The following IMPG2 variants were observed in gnomAD, a reference collection of about 807,000 sequenced individuals.
IMPG2 encodes the protein interphotoreceptor matrix proteoglycan 2.
IMPG2 carries 91 observed loss-of-function variants against 129.2 expected under a neutral mutation model. The observed-to-expected ratio is 0.70, with a 90% CI of 0.59 to 0.84. The LOEUF is 0.84. Among genes scored for constraint, IMPG2 ranks in the 40% least tolerant of loss-of-function variants. IMPG2 has a pLI of 0.00. For missense variants in IMPG2, 1,430 were observed against 1,461.7 expected, an observed-to-expected ratio of 0.98 and a Z score of 0.35; for synonymous variants, 510 against 517.7, an observed-to-expected ratio of 0.99 and a Z score of 0.20.
At chr3:101,312,375 A>T (rs900836709) in intron 2 of IMPG2, among the ~76,000 whole-genome samples, 5 of 152,114 alleles carry the variant, frequency 3.3e-5, no homozygotes, top group African/African-American at 1.2e-4. Context: ...CTGAACAGAC[A>T]TTTTCAAAGG....
At chr3:101,228,291 G>GA (rs1216313427) in intron 18 of IMPG2, among the ~76,000 whole-genome samples, 1 of 152,160 alleles carries the variant, frequency 6.6e-6, no homozygotes, top group East Asian at 1.9e-4. Flanking sequence ...AAAGCATACT[G>GA]AAAAGTATCT....
At chr3:101,229,772 G>T (rs1456692771) in intron 16 of IMPG2, among the ~76,000 whole-genome samples, 182 bp from the exon 17 acceptor site, 2 of 152,168 alleles carry the variant, frequency 1.3e-5, no homozygotes, top group African/African-American at 2.4e-5. Flanking sequence ...TTATCATTAT[G>T]ATTTCCTCAC....
intron 3 of IMPG2, among the ~76,000 whole-genome samples, chr3:101,303,874 T>C (rs1707162511): frequency 1.3e-5 from 2 of 152,228 alleles, no homozygotes; most frequent in Non-Finnish European, 2.9e-5. Flanking sequence ...TATTTACATC[T>C]ATAAACAAGG....
intron 2 of IMPG2, among the ~76,000 whole-genome samples, chr3:101,314,824 C>A (rs1246369702): frequency 6.6e-6 from 1 of 152,090 alleles, no homozygotes; most frequent in African/African-American, 2.4e-5. Flanking sequence ...ATATCATGTT[C>A]ATAGATCAGA....
intron 6 of IMPG2, among the ~76,000 whole-genome samples, chr3:101,274,953 A>C (rs113920252): frequency 1.7e-3 from 255 of 152,216 alleles, no homozygotes; most frequent in African/African-American, 4.9e-3. Context: ...GAGTGGAGCG[A>C]CTTAACCTGA....
At chr3:101,279,136 G>A (rs562479168) in intron 4 of IMPG2, among the ~76,000 whole-genome samples, 3 of 152,130 alleles carry the variant, frequency 2.0e-5, no homozygotes, top group African/African-American at 7.3e-5. Flanking sequence ...ATTCCTAATT[G>A]TATCCAGTTC....
In IMPG2 at chr3:101,237,227, A is replaced by G. The variant is rs189151534; in HGVS notation, c.3023-4236T>C. 4.7e-3 allele frequency among the ~76,000 whole-genome samples: 717 copies of G among 152,286 alleles called. 4 individuals are homozygous for G. Among genetic ancestry groups the G allele is most frequent in the Non-Finnish European group, 7.6e-3 (517 of 68,014 alleles). On this transcript the variant is annotated intron_variant, in intron 14 of 18. Coordinates refer to ENST00000193391, the MANE Select transcript of IMPG2 (RefSeq NM_016247.4). ...TGGCAGCAGCCCCAGTCAGGGGCTTAGAGATAAAACTCCCCTCTCCCTGGG... is the reference window on the plus strand; with the variant it reads ...TGGCAGCAGCCCCAGTCAGGGGCTTGGAGATAAAACTCCCCTCTCCCTGGG...
chr3:101,265,535 AC>A (rs1706713454), intron 9 of IMPG2, among the ~76,000 whole-genome samples: 1 of 152,134 alleles, frequency 6.6e-6, no homozygotes. Context: ...CTCACTCTAT[AC>A]AAAAAATCCA....
intron 4 of IMPG2, among the ~76,000 whole-genome samples, chr3:101,279,163 G>A (rs777999742): frequency 1.3e-5 from 2 of 152,172 alleles, no homozygotes; most frequent in Non-Finnish European, 2.9e-5. Context: ...AATAATAACA[G>A]CAAGAATAAT....
At chr3:101,236,138 ACAC>A (rs1448296117) in intron 14 of IMPG2, among the ~76,000 whole-genome samples, 1 of 152,196 alleles carries the variant, frequency 6.6e-6, no homozygotes, top group Non-Finnish European at 1.5e-5. Flanking sequence ...CATTAGGTTA[ACAC>A]CACAAGAGTC....
intron 2 of IMPG2, among the ~76,000 whole-genome samples, chr3:101,314,047 A>G (rs1412412082): frequency 6.6e-5 from 10 of 152,158 alleles, no homozygotes; most frequent in Non-Finnish European, 1.0e-4. Context: ...AGATCCATAC[A>G]CTAAACATTG....
intron 3 of IMPG2, among the ~76,000 whole-genome samples, chr3:101,299,384 T>C (rs1220795198): frequency 6.6e-6 from 1 of 152,236 alleles, no homozygotes; most frequent in African/African-American, 2.4e-5. Context: ...TTCTGAAGCC[T>C]ACTTCTGTCA....
At chr3:101,298,209 T>C (rs1168182755) in intron 3 of IMPG2, among the ~76,000 whole-genome samples, 1 of 152,204 alleles carries the variant, frequency 6.6e-6, no homozygotes. Context: ...TGTCAGAGAC[T>C]AGGATTGCAA....
rs141285040 is a variant in IMPG2 at position 101,240,176 on chromosome 3, C to T, written c.3022+2512G>A. ...TATGTTGCCCAGGCTAGAGTGTAGT[C>T]GTGTGATCATAGCGCATTGTAATCT... On this transcript the variant is annotated intron_variant, in intron 14 of 18. Transcript: ENST00000193391. 5.8e-3 allele frequency among the ~76,000 whole-genome samples: 878 copies of T among 151,464 alleles called. 5 individuals carry two copies. The highest frequency in any genetic ancestry group is 0.02 in the African/African-American group (839 of 41,250).
At position 101,244,026 on chromosome 3, in the gene IMPG2, C is replaced by A. The variant is rs774446006; in HGVS notation, c.2305G>T (p.Asp769Tyr). The A allele has an allele frequency of 6.2e-7, 1 of 1,614,160 alleles. No individual in the cohort carries two copies. Among genetic ancestry groups the A allele is most frequent in the Non-Finnish European group, 8.5e-7 (1 of 1,180,042 alleles). ...AATATAGTCCACAAAGTTTGCATATCTGGCTTTACCATTGAAACCTCACTG... is the reference window on the plus strand; with the variant it reads ...AATATAGTCCACAAAGTTTGCATATATGGCTTTACCATTGAAACCTCACTG... ...FDSEVSMVKPDMQTLWTILPE... is the reference protein window; with the variant it reads ...FDSEVSMVKPYMQTLWTILPE... The change falls in exon 13 of 19, where the codon GAT becomes TAT. Residue 769 changes from aspartate to tyrosine, a missense_variant. Physicochemically the swap from Asp to Tyr is radical, Grantham distance 160 (BLOSUM62 -3). Coordinates refer to ENST00000193391, the MANE Select transcript of IMPG2 (RefSeq NM_016247.4).
chr3:101,245,419 C>T (rs922019437), intron 12 of IMPG2, among the ~76,000 whole-genome samples: 1 of 152,110 alleles, frequency 6.6e-6, no homozygotes, highest in Admixed American at 6.5e-5. Flanking sequence ...AGACTTGGCC[C>T]CCACAACTAA....
At chr3:101,287,345 C>T (rs925560794) in intron 4 of IMPG2, among the ~76,000 whole-genome samples, 1 of 152,150 alleles carries the variant, frequency 6.6e-6, no homozygotes, top group African/African-American at 2.4e-5. Context: ...AATGCTATTC[C>T]TATCATACTA....
At chr3:101,253,825 T>G in intron 10 of IMPG2, 44 bp from the exon 11 acceptor site, 1 of 1,348,446 alleles carries the variant, frequency 7.4e-7, no homozygotes, top group Non-Finnish European at 1.1e-6. Context: ...GATGAGGCCC[T>G]ATTGTATTTG....
At chr3:101,315,308 C>G (rs1042684595) in intron 2 of IMPG2, among the ~76,000 whole-genome samples, 1 of 152,110 alleles carries the variant, frequency 6.6e-6, no homozygotes, top group Non-Finnish European at 1.5e-5. Flanking sequence ...AACAGTATAG[C>G]ATATTTTTTA....
Sources: gnomAD v4.1 joint callset for allele counts (sites outside exome capture counted in the v4.1 genomes callset) on GRCh38, gnomAD v4.1.1 for gene constraint, MANE v1.5 for transcripts, NCBI Gene and HGNC (gene_info 2026-07-23, HGNC 2026-07-21) for gene names.